The following FAF1 variants were observed in gnomAD, a reference collection of about 807,000 sequenced individuals.
The protein encoded by FAF1 is Fas associated factor 1, also known as FAS-associated factor 1.
Under a neutral mutation model 92.5 loss-of-function variants are expected in FAF1, and 25 were observed. The observed-to-expected ratio is 0.27, with a 90% CI of 0.20 to 0.38. The LOEUF (loss-of-function observed/expected upper bound fraction) is 0.38, where lower values mean the gene tolerates loss of function less well. Ranked by LOEUF, FAF1 falls within the 10% of genes least tolerant of loss-of-function variation. The pLI is 1.00. For synonymous variants in FAF1, 234 were observed against 273.2 expected (o/e 0.86, Z 1.42); for missense variants, 636 against 793.3 (o/e 0.80, Z 2.38).
intron 8 of FAF1, among the ~76,000 whole-genome samples, chr1:50,622,499 C>T (rs1042563903): frequency 6.6e-6 from 1 of 152,250 alleles, no homozygotes; most frequent in East Asian, 1.9e-4. Flanking sequence ...CACTTCCAGG[C>T]CGCATTTAGT....
chr1:50,611,338 CA>C (rs1652674992), intron 8 of FAF1, among the ~76,000 whole-genome samples: 2 of 152,050 alleles, frequency 1.3e-5, no homozygotes. Context: ...TAGATATTAA[CA>C]CAAAAAGAAA....
intron 2 of FAF1, among the ~76,000 whole-genome samples, chr1:50,835,247 A>G (rs1489873343): frequency 2.0e-5 from 3 of 152,228 alleles, no homozygotes; most frequent in African/African-American, 7.2e-5. Flanking sequence ...ACTAAAGGAA[A>G]TAAGGTTGAA....
intron 2 of FAF1, among the ~76,000 whole-genome samples, chr1:50,813,989 T>A (rs1643942072): frequency 6.6e-6 from 1 of 152,206 alleles, no homozygotes; most frequent in Non-Finnish European, 1.5e-5. Flanking sequence ...ACTATGTTTT[T>A]TACCTATACA....
chr1:50,637,695 G>A (rs1227838833), intron 8 of FAF1, among the ~76,000 whole-genome samples: 1 of 150,392 alleles, frequency 6.6e-6, no homozygotes, highest in Admixed American at 6.6e-5. Flanking sequence ...GTGTGTGTGT[G>A]TGTGTGTGTG....
At chr1:50,661,372 G>A (rs1350020848) in intron 7 of FAF1, among the ~76,000 whole-genome samples, 4 of 152,000 alleles carry the variant, frequency 2.6e-5, no homozygotes, top group Non-Finnish European at 4.4e-5. Context: ...TCTGGCCCAC[G>A]ATTCTTCACA....
intron 1 of FAF1, among the ~76,000 whole-genome samples, chr1:50,892,346 G>A (rs577310326): frequency 1.3e-5 from 2 of 152,312 alleles, no homozygotes; most frequent in African/African-American, 2.4e-5. Context: ...TTCACGCTTG[G>A]TGCGCTGCAC....
intron 6 of FAF1, among the ~76,000 whole-genome samples, chr1:50,714,202 A>G (rs1460875868): frequency 6.6e-6 from 1 of 151,604 alleles, no homozygotes; most frequent in African/African-American, 2.4e-5. Context: ...TTTTCAATAG[A>G]AATATTTGCA....
intron 15 of FAF1, among the ~76,000 whole-genome samples, chr1:50,534,559 C>A (rs925181620): frequency 6.6e-6 from 1 of 152,280 alleles, no homozygotes; most frequent in South Asian, 2.1e-4. Flanking sequence ...CAGGTGTGAG[C>A]CCCTGTGCCC....
chr1:50,781,030 G>T (rs140862931), intron 4 of FAF1: 9 of 459,038 alleles, frequency 2.0e-5, no homozygotes, highest in South Asian at 1.3e-4. Flanking sequence ...CACTGTGGGT[G>T]ACAGCCTGAT....
chr1:50,948,419 A>C (rs1645187474), intron 1 of FAF1, among the ~76,000 whole-genome samples: 3 of 152,356 alleles, frequency 2.0e-5, no homozygotes, highest in Non-Finnish European at 4.4e-5. Context: ...GGTGTAAGGC[A>C]AAGCGGGAGA....
intron 6 of FAF1, among the ~76,000 whole-genome samples, chr1:50,726,148 C>T (rs111632161): frequency 0.29 from 43,252 of 151,614 alleles, 6,460 homozygotes; most frequent in Middle Eastern, 0.46. Flanking sequence ...CCCAGCTACT[C>T]GGGAGGCTGA....
At chr1:50,837,125 T>G (rs1239167061) in intron 2 of FAF1, among the ~76,000 whole-genome samples, 1 of 151,808 alleles carries the variant, frequency 6.6e-6, no homozygotes, top group East Asian at 1.9e-4. Context: ...GCCCAGCTAA[T>G]TTTTTGTATT....
At chr1:50,930,744 A>T (rs530699799) in intron 1 of FAF1, among the ~76,000 whole-genome samples, 3 of 152,176 alleles carry the variant, frequency 2.0e-5, no homozygotes, top group Non-Finnish European at 2.9e-5. Context: ...TGGAGCTTGC[A>T]ATGAGCCGAG....
At chr1:50,576,793 C>T (rs1158969185) in intron 12 of FAF1, among the ~76,000 whole-genome samples, 1 of 151,816 alleles carries the variant, frequency 6.6e-6, no homozygotes, top group Non-Finnish European at 1.5e-5. Context: ...TAAGCACATG[C>T]CACCGCACCT....
At chr1:50,692,555 C>A (rs1656988325) in intron 7 of FAF1, among the ~76,000 whole-genome samples, 1 of 152,106 alleles carries the variant, frequency 6.6e-6, no homozygotes, top group African/African-American at 2.4e-5. Flanking sequence ...CATGTTTATT[C>A]ACTTAGCATG....
Position 50,680,757 on chromosome 1 carries a change from G to A in FAF1, c.657+25029C>T, listed in dbSNP as rs149259671. ...TGAGTCAAAAGTGACCTAAGGGATC[G>A]TCTAGTCAAAACACTCAATGTGGTA... On this transcript the variant is annotated intron_variant, in intron 7 of 18. Transcript: ENST00000396153. Among the ~76,000 whole-genome samples, 304 of 151,908 alleles carry A rather than the reference G, an allele frequency of 2.0e-3. 1 individual carries two copies. Among genetic ancestry groups the A allele is most frequent in the African/African-American group, 7.0e-3 (289 of 41,454 alleles).
chr1:50,713,265 G>T (rs1035281089), intron 6 of FAF1, among the ~76,000 whole-genome samples: 2 of 89,914 alleles, frequency 2.2e-5, no homozygotes, highest in African/African-American at 1.3e-4. Flanking sequence ...AAAAAAAAAG[G>T]CATGTTTTCT....
At chr1:50,765,982 G>T (rs1383695271) in intron 4 of FAF1, among the ~76,000 whole-genome samples, 7 of 151,952 alleles carry the variant, frequency 4.6e-5, no homozygotes, top group African/African-American at 1.7e-4. Flanking sequence ...ATCCCAGCTA[G>T]TCGGGAGGCT....
intron 8 of FAF1, among the ~76,000 whole-genome samples, chr1:50,607,278 T>G (rs1033989685): frequency 4.6e-5 from 7 of 152,164 alleles, no homozygotes; most frequent in African/African-American, 7.2e-5. Flanking sequence ...ACACTATATA[T>G]AGAGCAAAGG....
Sources: gnomAD v4.1 joint callset for allele counts (sites outside exome capture counted in the v4.1 genomes callset) on GRCh38, gnomAD v4.1.1 for gene constraint, MANE v1.5 for transcripts, NCBI Gene and HGNC (gene_info 2026-07-23, HGNC 2026-07-21) for gene names.